The following KCNT2 variants were observed in gnomAD, a reference collection of about 807,000 sequenced individuals.
KCNT2 encodes potassium channel subfamily T member 2.
In KCNT2, 67 loss-of-function variants were observed where a neutral mutation model predicts 153.8. The observed-to-expected ratio is 0.44, with a 90% CI of 0.36 to 0.53. The LOEUF (loss-of-function observed/expected upper bound fraction) is 0.53, where lower values mean the gene tolerates loss of function less well. Ranked by LOEUF, KCNT2 falls within the 20% of genes least tolerant of loss-of-function variation. KCNT2 has a pLI of 0.00. For missense variants in KCNT2, 975 were observed against 1,354.8 expected, an observed-to-expected ratio of 0.72 and a Z score of 4.40; for synonymous variants, 500 against 458.8, an observed-to-expected ratio of 1.09 and a Z score of -1.15.
intron 5 of KCNT2, among the ~76,000 whole-genome samples, chr1:196,474,201 G>C (rs1446841772): frequency 6.6e-6 from 1 of 151,838 alleles, no homozygotes; most frequent in African/African-American, 2.4e-5. Context: ...ATGGAACCTT[G>C]GAACTACTAT....
At chr1:196,288,287 T>C (rs772861812) in intron 22 of KCNT2, among the ~76,000 whole-genome samples, 4 of 152,030 alleles carry the variant, frequency 2.6e-5, no homozygotes, top group Non-Finnish European at 4.4e-5. Context: ...TACCAAGATA[T>C]GTTTTAAGGT....
At chr1:196,252,835 G>A (rs1242296675) in intron 26 of KCNT2, among the ~76,000 whole-genome samples, 1 of 150,982 alleles carries the variant, frequency 6.6e-6, no homozygotes, top group Non-Finnish European at 1.5e-5. Context: ...TATATATAAT[G>A]TTATAGGTGG....
intron 21 of KCNT2, among the ~76,000 whole-genome samples, chr1:196,310,356 A>G (rs1028871449): frequency 3.3e-5 from 5 of 151,900 alleles, no homozygotes; most frequent in Non-Finnish European, 7.4e-5. Context: ...GTATAAATGT[A>G]TGTAATCTTT....
intron 1 of KCNT2, among the ~76,000 whole-genome samples, chr1:196,502,723 C>T (rs115411071): frequency 4.6e-5 from 7 of 152,002 alleles, no homozygotes; most frequent in Admixed American, 6.5e-5. Flanking sequence ...TACTCTTTAA[C>T]GCAAAAAAGT....
chr1:196,597,683 A>G (rs12729192), intron 1 of KCNT2, among the ~76,000 whole-genome samples: 1 of 152,114 alleles, frequency 6.6e-6, no homozygotes, highest in African/African-American at 2.4e-5. Context: ...CTCGCAACCC[A>G]TCTCCAGTAA....
In KCNT2 at chr1:196,260,487, C is replaced by G. The variant is rs186841445; in HGVS notation, c.2911-1993G>C. Among the ~76,000 whole-genome samples the G allele has an allele frequency of 2.7e-3, 413 of 151,650 alleles. 1 individual carries two copies. Among genetic ancestry groups the G allele is most frequent in the Non-Finnish European group, 2.9e-3 (196 of 67,684 alleles). ...CTATTCAGCATTATTTTGAATACCC[C>G]CAAGAGAAACTGTCATAGTTTGTAC... On this transcript the variant is annotated intron_variant, in intron 25 of 27. Coordinates refer to ENST00000294725, the MANE Select transcript of KCNT2 (RefSeq NM_198503.5).
chr1:196,580,863 C>T (rs1661950403), intron 1 of KCNT2, among the ~76,000 whole-genome samples: 1 of 152,126 alleles, frequency 6.6e-6, no homozygotes, highest in South Asian at 2.1e-4. Context: ...CTGAAAAGTA[C>T]ATCATGGAAA....
intron 26 of KCNT2, among the ~76,000 whole-genome samples, chr1:196,243,507 C>T (rs1026571739): frequency 2.0e-5 from 3 of 152,160 alleles, no homozygotes; most frequent in Non-Finnish European, 4.4e-5. Context: ...GCAGTGGCCA[C>T]ATGGTGCAGG....
chr1:196,396,901 C>T (rs1046295784), intron 13 of KCNT2, among the ~76,000 whole-genome samples: 2 of 150,706 alleles, frequency 1.3e-5, no homozygotes, highest in Non-Finnish European at 1.5e-5. Flanking sequence ...CAACGGCGTG[C>T]TAAAGGGAGA....
chr1:196,481,205 AAAGT>A (rs1678995323), intron 4 of KCNT2, among the ~76,000 whole-genome samples: 1 of 152,176 alleles, frequency 6.6e-6, no homozygotes, highest in African/African-American at 2.4e-5. Context: ...ACACATACTT[AAAGT>A]AATTCATTAT....
Position 196,479,219 on chromosome 1 carries a change from C to A in KCNT2, c.344G>T (p.Ser115Ile), listed in dbSNP as rs1678796965. 6.4e-7 allele frequency: 1 copy of A among 1,570,672 alleles called. No homozygotes were observed. The highest frequency in any genetic ancestry group is 8.7e-7 in the Non-Finnish European group (1 of 1,147,012). The change falls in exon 5 of 28, where the codon AGT (serine) becomes ATT (isoleucine). Residue 115 changes from serine to isoleucine, a missense_variant. Physicochemically the swap from Ser to Ile is moderately radical, Grantham distance 142. Coordinates refer to ENST00000294725, the MANE Select transcript of KCNT2 (RefSeq NM_198503.5). Reference protein sequence around the residue: ...WGLQVSVALISLFETILLGYL... With the variant: ...WGLQVSVALIILFETILLGYL... ...ACCAAGTAATATTGTTTCAAACAGACTTATCAATGCCACTGAAACCTGAAA... is the reference window on the plus strand; with the variant it reads ...ACCAAGTAATATTGTTTCAAACAGAATTATCAATGCCACTGAAACCTGAAA...
intron 8 of KCNT2, among the ~76,000 whole-genome samples, chr1:196,439,694 A>G (rs1675051936): frequency 6.6e-6 from 1 of 151,932 alleles, no homozygotes; most frequent in Non-Finnish European, 1.5e-5. Flanking sequence ...TCCTCCATCC[A>G]TTTGGATTTT....
chr1:196,571,733 G>T (rs1364625760), intron 1 of KCNT2, among the ~76,000 whole-genome samples: 1 of 152,074 alleles, frequency 6.6e-6, no homozygotes, highest in Non-Finnish European at 1.5e-5. Context: ...AGATCCAGCA[G>T]ATTCATTATT....
chr1:196,600,185 C>T lies in KCNT2; in HGVS notation c.95+8030G>A, dbSNP rs529861525. ...CTACAGAGAATCCAACATCATTTCA[C>T]GGTGTTTTCTGGCCTCCATGGAGCC... On this transcript the variant is annotated intron_variant, in intron 1 of 27. Transcript: ENST00000294725. 3.1e-4 allele frequency among the ~76,000 whole-genome samples: 47 copies of T among 152,272 alleles called. 1 individual carries two copies. The highest frequency in any genetic ancestry group is 1.5e-3 in the South Asian group (7 of 4,822).
At chr1:196,456,265 C>T (rs1419350367) in intron 8 of KCNT2, among the ~76,000 whole-genome samples, 3 of 151,518 alleles carry the variant, frequency 2.0e-5, no homozygotes, top group Admixed American at 6.6e-5. Context: ...AAGTAGGGCA[C>T]TCCTTTTTTT....
intron 14 of KCNT2, 77 bp from the exon 15 acceptor site, chr1:196,342,305 G>C: frequency 8.5e-6 from 11 of 1,295,932 alleles, no homozygotes; most frequent in South Asian, 1.4e-5. Flanking sequence ...AGTTGTTATA[G>C]AACTGTTTCT....
At chr1:196,410,167 G>A (rs1672173395) in intron 12 of KCNT2, among the ~76,000 whole-genome samples, 1 of 151,506 alleles carries the variant, frequency 6.6e-6, no homozygotes, top group African/African-American at 2.4e-5. Flanking sequence ...GTGTGTGTGT[G>A]TTTGGTTTTG....
intron 1 of KCNT2, among the ~76,000 whole-genome samples, chr1:196,500,342 T>C (rs1252079787): frequency 6.6e-6 from 1 of 150,664 alleles, no homozygotes; most frequent in South Asian, 2.1e-4. Context: ...AAAAGAAACG[T>C]TCATTCAAAT....
chr1:196,404,999 A>T (rs1671712599), intron 12 of KCNT2, among the ~76,000 whole-genome samples: 1 of 151,568 alleles, frequency 6.6e-6, no homozygotes, highest in Non-Finnish European at 1.5e-5. Flanking sequence ...TTCATATTTT[A>T]TGCCCTCACA....
Sources: gnomAD v4.1 joint callset for allele counts (sites outside exome capture counted in the v4.1 genomes callset) on GRCh38, gnomAD v4.1.1 for gene constraint, MANE v1.5 for transcripts, NCBI Gene and HGNC (gene_info 2026-07-23, HGNC 2026-07-21) for gene names.